The following GRAMD2A variants were observed in gnomAD, a reference collection of about 807,000 sequenced individuals.
GRAMD2A encodes GRAM domain containing 2A, also known as GRAM domain-containing protein 2A.
Under a neutral mutation model 51.1 loss-of-function variants are expected in GRAMD2A, and 37 were observed. That is an observed-to-expected ratio of 0.72 (90% confidence interval 0.56 to 0.95). The LOEUF (loss-of-function observed/expected upper bound fraction) is 0.95, where lower values mean the gene tolerates loss of function less well. Ranked by LOEUF, GRAMD2A falls within the 40% of genes least tolerant of loss-of-function variation. The probability of loss-of-function intolerance (pLI) is 0.00; values close to 1 mark genes in which losing one functional copy is unlikely to be tolerated. For synonymous variants in GRAMD2A, 136 were observed against 157.1 expected (o/e 0.87, Z 1.01); for missense variants, 414 against 426.9 (o/e 0.97, Z 0.27).
chr15:72,167,080 C>A lies in GRAMD2A; in HGVS notation c.385G>T (p.Val129Leu). 1 of 1,613,204 alleles carries A rather than the reference C, an allele frequency of 6.2e-7. No homozygotes were observed. The highest frequency in any genetic ancestry group is 8.5e-7 in the Non-Finnish European group (1 of 1,179,140). The stretch of plus-strand genomic sequence containing the variant: ...TTTTTGATCATTTGCACAGACACCA[C>A]AGGAATGACCACCTGAGAGGGAGAG... Reference protein sequence around the residue: ...FGKDIKVVIPVVSVQMIKKHK... With the variant: ...FGKDIKVVIPLVSVQMIKKHK... Residue 129 changes from valine to leucine, a missense_variant, in exon 6 of 12, where the codon GTG becomes TTG. Val to Leu is a conservative substitution (Grantham distance 32). Transcript: ENST00000309731.
In GRAMD2A at chr15:72,160,888, G is replaced by A. The variant is rs2081467311; in HGVS notation, c.*1121C>T. ...GACCCCCTGGCCTGGTTCCTGCACT[G>A]TGCTAGGCCCACAGTGGACACTTCC... On this transcript the variant is annotated 3_prime_UTR_variant, in exon 12 of 12. Coordinates refer to ENST00000309731, the MANE Select transcript of GRAMD2A (RefSeq NM_001012642.3). 6.6e-6 allele frequency: 1 copy of A among 152,384 alleles called. No individual in the cohort carries two copies. The highest frequency in any genetic ancestry group is 2.4e-5 in the African/African-American group (1 of 41,458). The allele number at this position is 152,384 out of a possible 1,614,324, so 9.4% of individuals were successfully genotyped here.
intron 1 of GRAMD2A, among the ~76,000 whole-genome samples, chr15:72,178,534 C>T (rs1160113322): frequency 6.9e-6 from 1 of 144,598 alleles, no homozygotes; most frequent in East Asian, 2.0e-4. Context: ...CCTTCTTTTG[C>T]AAAAATAATG....
chr15:72,165,371 C>T lies in GRAMD2A; in HGVS notation c.583G>A (p.Gly195Arg), dbSNP rs149211527. 1.8e-5 allele frequency: 29 copies of T among 1,613,982 alleles called. No individual in the cohort carries two copies. The highest frequency in any genetic ancestry group is 1.5e-4 in the African/African-American group (11 of 74,946). Residue 195 changes from glycine to arginine, a missense_variant, in exon 8 of 12, where the codon GGG becomes AGG. By Grantham distance (125) the Gly-to-Arg change is moderately radical. Transcript: ENST00000309731. ...GCTCTCACCAGAGACTCAGGTTCCC[C>T]TGAAAATTCTCTTACACTCAGACTC... is the stretch of plus-strand genomic sequence containing the variant. ...KKSLSVREFS[G>R]EPESLEVLIP...
intron 1 of GRAMD2A, among the ~76,000 whole-genome samples, chr15:72,187,667 C>T (rs2081743120): frequency 6.6e-6 from 1 of 152,022 alleles, no homozygotes; most frequent in Non-Finnish European, 1.5e-5. Context: ...CATGTGCCAT[C>T]AAGCCTGGCT....
rs1307514071 is a variant in GRAMD2A, at chr15:72,159,813, G to C, written c.*2196C>G. 3.9e-5 allele frequency: 6 copies of C among 152,250 alleles called. No homozygotes were observed. The highest frequency in any genetic ancestry group is 1.9e-4 in the East Asian group (1 of 5,182). The allele number at this position is 152,250 out of a possible 1,614,324, so 9.4% of individuals were successfully genotyped here. On this transcript the variant is annotated 3_prime_UTR_variant, in exon 12 of 12. Coordinates refer to ENST00000309731, the MANE Select transcript of GRAMD2A (RefSeq NM_001012642.3). ...GAACTTTCTATACCATAATACACTA[G>C]AAAAATCAAGTTTTTTATTTTAAAA...
intron 1 of GRAMD2A, among the ~76,000 whole-genome samples, chr15:72,186,821 T>C (rs991258155): frequency 2.6e-5 from 4 of 151,918 alleles, no homozygotes; most frequent in African/African-American, 9.7e-5. Flanking sequence ...TGTGCTAATA[T>C]GGAAAAAAAG....
chr15:72,195,054 G>T (rs1596702911), intron 1 of GRAMD2A, among the ~76,000 whole-genome samples: 1 of 152,188 alleles, frequency 6.6e-6, no homozygotes, highest in Non-Finnish European at 1.5e-5. Flanking sequence ...GCTGCTTGCT[G>T]TAAGGATTTG....
intron 10 of GRAMD2A, 28 bp from the exon 11 acceptor site, chr15:72,162,405 A>G (rs2081488453): frequency 6.6e-7 from 1 of 1,509,194 alleles, no homozygotes. Flanking sequence ...ACGGAGTTAA[A>G]TATTTCTTCC....
Sources: allele counts gnomAD v4.1 joint callset (sites outside exome capture counted in the v4.1 genomes callset), GRCh38; gene constraint gnomAD v4.1.1; transcripts MANE v1.5; gene names NCBI Gene and HGNC (gene_info 2026-07-23, HGNC 2026-07-21).